Variants in CRPPA observed in about 807,000 individuals in gnomAD.
CRPPA encodes CDP-L-ribitol pyrophosphorylase A.
A neutral mutation model predicts 52.0 loss-of-function variants in CRPPA; 43 were observed. The ratio of observed to expected loss-of-function variants is 0.83; its 90% CI spans 0.65 to 1.07. The LOEUF is 1.07. CRPPA is among the 50% of genes least tolerant of loss of function. The probability of loss-of-function intolerance (pLI) is 0.00; values close to 1 mark genes in which losing one functional copy is unlikely to be tolerated. For synonymous variants in CRPPA, 250 were observed against 203.5 expected, an observed-to-expected ratio of 1.23 and a Z score of -1.94; for missense variants, 629 against 551.7, an observed-to-expected ratio of 1.14 and a Z score of -1.40.
chr7:16,214,323 G>C (rs1370991526), intron 9 of CRPPA, among the ~76,000 whole-genome samples: 1 of 152,104 alleles, frequency 6.6e-6, no homozygotes, highest in East Asian at 1.9e-4. Context: ...TTTTGCCCTA[G>C]CCAAATGAGA....
intron 2 of CRPPA, among the ~76,000 whole-genome samples, chr7:16,402,819 A>T (rs1466261441): frequency 1.3e-5 from 2 of 152,144 alleles, no homozygotes; most frequent in East Asian, 3.8e-4. Context: ...TATATACAGT[A>T]TACATAAGGT....
intron 2 of CRPPA, among the ~76,000 whole-genome samples, chr7:16,380,414 G>A (rs1471946121): frequency 6.6e-6 from 1 of 152,072 alleles, no homozygotes; most frequent in Non-Finnish European, 1.5e-5. Flanking sequence ...GAGGATTTTT[G>A]CATCAATGTT....
intron 1 of CRPPA, among the ~76,000 whole-genome samples, chr7:16,416,230 C>A (rs2128320239): frequency 6.6e-6 from 1 of 152,102 alleles, no homozygotes; most frequent in East Asian, 1.9e-4. Flanking sequence ...AACAGAGAAC[C>A]CAGAAATAAA....
At chr7:16,337,835 TA>T (rs1785726013) in intron 3 of CRPPA, among the ~76,000 whole-genome samples, 1 of 152,032 alleles carries the variant, frequency 6.6e-6, no homozygotes, top group Admixed American at 6.6e-5. Context: ...CAATAACAAT[TA>T]AGGACACTGC....
intron 3 of CRPPA, among the ~76,000 whole-genome samples, chr7:16,345,378 G>T (rs937328830): frequency 2.0e-5 from 3 of 152,086 alleles, no homozygotes; most frequent in Non-Finnish European, 2.9e-5. Flanking sequence ...AAAATGAAAG[G>T]ACATGAGACA....
intron 9 of CRPPA, among the ~76,000 whole-genome samples, chr7:16,179,297 T>C (rs1345752675): frequency 3.9e-5 from 6 of 152,124 alleles, no homozygotes; most frequent in African/African-American, 1.2e-4. Context: ...TTATAAATGA[T>C]AGACAAAATA....
intron 8 of CRPPA, among the ~76,000 whole-genome samples, chr7:16,238,650 T>C (rs1783016252): frequency 6.6e-6 from 1 of 152,154 alleles, no homozygotes; most frequent in South Asian, 2.1e-4. Flanking sequence ...CTATGAGTCT[T>C]GTGATAAGAA....
chr7:16,347,404 C>A (rs1317560106), intron 3 of CRPPA, among the ~76,000 whole-genome samples: 1 of 152,116 alleles, frequency 6.6e-6, no homozygotes, highest in Non-Finnish European at 1.5e-5. Context: ...AAACCAAGGA[C>A]TTGTGTTATC....
intron 9 of CRPPA, among the ~76,000 whole-genome samples, chr7:16,176,991 C>G (rs913729904): frequency 6.6e-6 from 1 of 152,012 alleles, no homozygotes; most frequent in Non-Finnish European, 1.5e-5. Flanking sequence ...TATTGATATA[C>G]GCAGCAACAC....
chr7:16,217,178 C>A (rs1421937062), intron 8 of CRPPA, among the ~76,000 whole-genome samples: 1 of 145,138 alleles, frequency 6.9e-6, no homozygotes, highest in Non-Finnish European at 1.5e-5. Flanking sequence ...CCAGCAGGGG[C>A]ACACTGACAC....
intron 9 of CRPPA, among the ~76,000 whole-genome samples, chr7:16,141,815 G>A (rs956456705): frequency 6.6e-6 from 1 of 152,186 alleles, no homozygotes; most frequent in Admixed American, 6.5e-5. Flanking sequence ...GAAAAGAGAA[G>A]TTTATTTTCA....
At chr7:16,389,322 G>A (rs1367134956) in intron 2 of CRPPA, among the ~76,000 whole-genome samples, 3 of 152,104 alleles carry the variant, frequency 2.0e-5, no homozygotes, top group Non-Finnish European at 2.9e-5. Context: ...ATATTAGTTT[G>A]TAAACAATGC....
intron 3 of CRPPA, among the ~76,000 whole-genome samples, chr7:16,345,410 A>G (rs796365895): frequency 5.9e-5 from 9 of 152,338 alleles, no homozygotes; most frequent in African/African-American, 1.7e-4. Context: ...CTACATAAAG[A>G]GGACCAGTAA....
chr7:16,216,449 G>A (rs908677123), intron 8 of CRPPA: 18 of 339,992 alleles, frequency 5.3e-5, no homozygotes, highest in African/African-American at 2.0e-4. Flanking sequence ...CAAGATGGCC[G>A]AGTAGGAACA....
chr7:16,318,108 C>T (rs1785185706), intron 3 of CRPPA, among the ~76,000 whole-genome samples: 1 of 152,148 alleles, frequency 6.6e-6, no homozygotes, highest in East Asian at 1.9e-4. Flanking sequence ...TAACCTAGCC[C>T]TTTTACCTCA....
chr7:16,286,045 ATAT>A (rs1562608422), intron 5 of CRPPA, among the ~76,000 whole-genome samples: 21 of 7,642 alleles, frequency 2.7e-3, no homozygotes, highest in African/African-American at 6.8e-3. Context: ...AAAAATATAA[ATAT>A]ATATATATAT....
chr7:16,343,551 CA>C (rs1785927810), intron 3 of CRPPA, among the ~76,000 whole-genome samples: 1 of 151,484 alleles, frequency 6.6e-6, no homozygotes, highest in African/African-American at 2.4e-5. Context: ...TGATCTGACT[CA>C]GTTTCCCACT....
intron 2 of CRPPA, among the ~76,000 whole-genome samples, chr7:16,378,294 T>C (rs1313620199): frequency 1.8e-5 from 2 of 113,576 alleles, no homozygotes; most frequent in African/African-American, 7.0e-5. Context: ...CAGAGTGTGA[T>C]GTTCCCCTTC....
chr7:16,174,728 A>G (rs1056116246), intron 9 of CRPPA, among the ~76,000 whole-genome samples: 2 of 152,150 alleles, frequency 1.3e-5, no homozygotes, highest in African/African-American at 2.4e-5. Flanking sequence ...GCACATGGAT[A>G]TTTACATGGA....
Sources: gnomAD v4.1 joint callset for allele counts (sites outside exome capture counted in the v4.1 genomes callset) on GRCh38, gnomAD v4.1.1 for gene constraint, MANE v1.5 for transcripts, NCBI Gene and HGNC (gene_info 2026-07-23, HGNC 2026-07-21) for gene names.